MRRF: variants seen among roughly 807,000 people sequenced by gnomAD.
MRRF encodes mitochondrial ribosome recycling factor, also known as ribosome-recycling factor, mitochondrial.
A neutral mutation model predicts 25.1 loss-of-function variants in MRRF; 18 were observed. The ratio of observed to expected loss-of-function variants is 0.72; its 90% CI spans 0.50 to 1.06. The LOEUF is 1.06. Among genes scored for constraint, MRRF ranks in the 50% least tolerant of loss-of-function variants. The pLI is 0.00. For synonymous variants in MRRF, 113 were observed against 112.1 expected, an observed-to-expected ratio of 1.01 and a Z score of -0.05; for missense variants, 323 against 319.3, an observed-to-expected ratio of 1.01 and a Z score of -0.09.
At chr9:122,306,307 A>G (rs1834843434) in intron 5 of MRRF, among the ~76,000 whole-genome samples, 1 of 152,228 alleles carries the variant, frequency 6.6e-6, no homozygotes, top group African/African-American at 2.4e-5. Flanking sequence ...AATAACAGAT[A>G]ATGTGTATTG....
chr9:122,277,067 C>T (rs190197123), intron 2 of MRRF, among the ~76,000 whole-genome samples: 5 of 152,178 alleles, frequency 3.3e-5, no homozygotes, highest in Admixed American at 2.0e-4. Flanking sequence ...GCAATGTTTC[C>T]CAGACTGGTC....
chr9:122,310,569 C>T (rs970145220), intron 5 of MRRF, among the ~76,000 whole-genome samples: 4 of 152,162 alleles, frequency 2.6e-5, no homozygotes, highest in Non-Finnish European at 4.4e-5. Flanking sequence ...ATGCTCCTTC[C>T]GCAGTAGATA....
intron 4 of MRRF, chr9:122,286,031 T>A: frequency 7.7e-7 from 1 of 1,298,672 alleles, no homozygotes; most frequent in Non-Finnish European, 1.0e-6. Context: ...TTGTTATTGG[T>A]CCACTAGGAA....
chr9:122,273,743 A>G (rs1195332695), intron 2 of MRRF, among the ~76,000 whole-genome samples: 1 of 152,172 alleles, frequency 6.6e-6, no homozygotes, highest in African/African-American at 2.4e-5. Flanking sequence ...AACCCACTAT[A>G]TTGACTTTAA....
intron 5 of MRRF, among the ~76,000 whole-genome samples, chr9:122,293,618 C>T (rs1003372063): frequency 6.6e-6 from 1 of 152,112 alleles, no homozygotes; most frequent in East Asian, 1.9e-4. Context: ...TATAACCTAA[C>T]GTTTAAGAAG....
At chr9:122,275,163 TACTA>T (rs1322016157) in intron 2 of MRRF, among the ~76,000 whole-genome samples, 2 of 152,064 alleles carry the variant, frequency 1.3e-5, no homozygotes, top group Admixed American at 1.3e-4. Context: ...AATACAATAT[TACTA>T]ACTATAGTCC....
chr9:122,315,248 C>T lies in MRRF; in HGVS notation c.711+1862C>T, dbSNP rs568695474. Among the ~76,000 whole-genome samples the T allele has an allele frequency of 2.6e-5, 4 of 152,220 alleles. No homozygotes were observed. In the South Asian group the frequency reaches 8.3e-4, roughly 32 times the overall value. On this transcript the variant is annotated intron_variant, in intron 6 of 6. Transcript: ENST00000344641. ...CCCAGGCTGGTCTTGGGCTCCTGGG[C>T]TCAAGCAGTCCTCCTGTAGCTGGGA...
chr9:122,293,899 C>G lies in MRRF; in HGVS notation c.551+2059C>G, dbSNP rs145395349. Among the ~76,000 whole-genome samples, 4 of 152,096 alleles carry G rather than the reference C, an allele frequency of 2.6e-5. No homozygotes were observed. In the South Asian group the frequency reaches 8.3e-4, roughly 31 times the overall value. ...GTTCAGAGAAATTAAGGGACTTGCC[C>G]GAGATCACATGACCAGTAAATGGCA... On this transcript the variant is annotated intron_variant, in intron 5 of 6. Coordinates refer to ENST00000344641, the MANE Select transcript of MRRF (RefSeq NM_138777.5).
intron 5 of MRRF, among the ~76,000 whole-genome samples, chr9:122,299,515 C>G (rs929728825): frequency 3.9e-5 from 6 of 151,932 alleles, no homozygotes; most frequent in African/African-American, 1.4e-4. Flanking sequence ...GTTCAGAGGA[C>G]AGATGTGGGC....
At chr9:122,275,406 G>A (rs1832716508) in intron 2 of MRRF, among the ~76,000 whole-genome samples, 1 of 152,160 alleles carries the variant, frequency 6.6e-6, no homozygotes, top group African/African-American at 2.4e-5. Context: ...GCCGAGGCGG[G>A]TGGATCACTT....
rs778973645 is a variant in MRRF at position 122,271,005 on chromosome 9, A to G, written c.114A>G (p.Gln38=). Residue 38 remains glutamine (Q), a synonymous_variant, in exon 2 of 7, where the codon CAA becomes CAG. Coordinates refer to ENST00000344641, the MANE Select transcript of MRRF (RefSeq NM_138777.5). ...CACTGAAGACAGTGCATGAAAGACA[A>G]CATGGCCATAGGCAATACATGGCCT... The part of the protein sequence containing the change: ...EVTLKTVHER[Q]HGHRQYMAYS... 119 of 1,614,074 alleles carry G rather than the reference A, an allele frequency of 7.4e-5. No homozygotes were observed. The highest frequency in any genetic ancestry group is 1.5e-4 in the Admixed American group (9 of 60,004).
chr9:122,286,556 TAAA>T (rs1833419318), intron 4 of MRRF, among the ~76,000 whole-genome samples: 1 of 152,044 alleles, frequency 6.6e-6, no homozygotes, highest in East Asian at 1.9e-4. Context: ...ATTTCAAAAA[TAAA>T]AAAATTAGTG....
chr9:122,319,517 A>G (rs538605524), intron 6 of MRRF, among the ~76,000 whole-genome samples: 9 of 152,196 alleles, frequency 5.9e-5, no homozygotes, highest in African/African-American at 1.9e-4. Flanking sequence ...TACCTATTCT[A>G]CCTGCTTCAT....
intron 3 of MRRF, among the ~76,000 whole-genome samples, chr9:122,283,846 A>G (rs1390026237): frequency 1.3e-5 from 2 of 152,102 alleles, no homozygotes; most frequent in African/African-American, 4.8e-5. Context: ...CCTCTTTTCC[A>G]TCTGTAACTG....
intron 2 of MRRF, among the ~76,000 whole-genome samples, chr9:122,277,252 A>G (rs552730122): frequency 6.6e-6 from 1 of 152,254 alleles, no homozygotes; most frequent in Non-Finnish European, 1.5e-5. Flanking sequence ...AATTGTTTCT[A>G]TTATCATTTT....
intron 3 of MRRF, among the ~76,000 whole-genome samples, chr9:122,281,916 G>A (rs999875059): frequency 6.6e-6 from 1 of 152,190 alleles, no homozygotes; most frequent in Non-Finnish European, 1.5e-5. Context: ...GCATTATGTC[G>A]ATACGGATTT....
intron 2 of MRRF, among the ~76,000 whole-genome samples, chr9:122,276,839 C>T (rs919793863): frequency 3.9e-5 from 6 of 152,064 alleles, no homozygotes; most frequent in Non-Finnish European, 5.9e-5. Context: ...ATTGAACTCT[C>T]CTAGTATGCT....
chr9:122,315,170 T>C (rs1286474323), intron 6 of MRRF, among the ~76,000 whole-genome samples: 1 of 152,146 alleles, frequency 6.6e-6, no homozygotes, highest in Non-Finnish European at 1.5e-5. Flanking sequence ...TATATTTTTA[T>C]TTTACTTACT....
intron 2 of MRRF, among the ~76,000 whole-genome samples, chr9:122,278,176 A>T (rs1052260553): frequency 6.6e-6 from 1 of 151,786 alleles, no homozygotes. Flanking sequence ...TTTGGAAGAT[A>T]TACTTTTAAT....
Sources: gnomAD v4.1 joint callset for allele counts (sites outside exome capture counted in the v4.1 genomes callset) on GRCh38, gnomAD v4.1.1 for gene constraint, MANE v1.5 for transcripts, NCBI Gene and HGNC (gene_info 2026-07-23, HGNC 2026-07-21) for gene names.